The following DET1 variants were observed in gnomAD, a reference collection of about 807,000 sequenced individuals.
DET1 encodes DET1 partner of COP1 E3 ubiquitin ligase, also known as DET1 homolog.
Under a neutral mutation model 43.7 loss-of-function variants are expected in DET1, and 22 were observed. That is an observed-to-expected ratio of 0.50 (90% confidence interval 0.36 to 0.72). The LOEUF is 0.72. Ranked by LOEUF, DET1 falls within the 30% of genes least tolerant of loss-of-function variation. DET1 has a pLI of 0.00. For missense variants in DET1, 713 were observed against 713.3 expected, an observed-to-expected ratio of 1.00 and a Z score of 0.00; for synonymous variants, 315 against 266.2, an observed-to-expected ratio of 1.18 and a Z score of -1.79.
At chr15:88,503,366 G>A (rs559809898) in intron 8 of DET1, 4 of 152,258 alleles carry the variant, frequency 2.6e-5, no homozygotes, top group Admixed American at 2.6e-4. Flanking sequence ...ACTTTGCTAA[G>A]CCATCCACCT....
At chr15:88,513,696 T>C (rs2056260292) in intron 4 of DET1, among the ~76,000 whole-genome samples, 1 of 149,782 alleles carries the variant, frequency 6.7e-6, no homozygotes. Flanking sequence ...ACTAGCCACA[T>C]TTTAAGTACC....
At chr15:88,545,446 G>C (rs2057226373) in intron 1 of DET1, among the ~76,000 whole-genome samples, 2 of 152,046 alleles carry the variant, frequency 1.3e-5, no homozygotes. Context: ...AAAAGTTCGA[G>C]AATATCTAGA....
At chr15:88,523,228 AG>A (rs1299330593) in intron 3 of DET1, among the ~76,000 whole-genome samples, 8 of 152,192 alleles carry the variant, frequency 5.3e-5, no homozygotes, top group South Asian at 2.1e-4. Context: ...GGTCACTTTT[AG>A]GATAAAGGCT....
chr15:88,533,228 A>C (rs2056861758), intron 1 of DET1, among the ~76,000 whole-genome samples: 1 of 152,206 alleles, frequency 6.6e-6, no homozygotes, highest in Non-Finnish European at 1.5e-5. Flanking sequence ...TCAAAACTAC[A>C]ATGGGATATC....
intron 1 of DET1, among the ~76,000 whole-genome samples, chr15:88,542,248 G>A (rs780911387): frequency 6.6e-6 from 1 of 152,140 alleles, no homozygotes; most frequent in Non-Finnish European, 1.5e-5. Flanking sequence ...TGAGGAGGAA[G>A]CTAGAGACCT....
rs2056220140 is a variant in DET1 at position 88,512,514 on chromosome 15, C to G, written c.*437G>C. On this transcript the variant is annotated 3_prime_UTR_variant, in exon 5 of 5. Coordinates refer to ENST00000268148, the MANE Select transcript of DET1 (RefSeq NM_001144074.3). ...GAAAATACCATGGCTTTATTTTTCT[C>G]TTAAAAAGATAGCCGTGCTTATGAG... 6 of 987,802 alleles carry G rather than the reference C, an allele frequency of 6.1e-6. No individual in the cohort carries two copies. Among genetic ancestry groups the G allele is most frequent in the Non-Finnish European group, 7.2e-6 (6 of 831,324 alleles). The allele number at this position is 987,802 out of a possible 1,614,324, so 61.2% of individuals were successfully genotyped here. A position where few individuals can be genotyped will look rare whatever the true frequency, so the allele number is the denominator to read the frequency against.
chr15:88,540,438 G>A (rs1202320030), intron 1 of DET1, among the ~76,000 whole-genome samples: 2 of 151,032 alleles, frequency 1.3e-5, no homozygotes, highest in Non-Finnish European at 2.9e-5. Context: ...TGATACCTCT[G>A]CTCAAATTCT....
chr15:88,536,796 A>C (rs2056964424), intron 1 of DET1, among the ~76,000 whole-genome samples: 1 of 151,476 alleles, frequency 6.6e-6, no homozygotes, highest in Non-Finnish European at 1.5e-5. Context: ...AAAAGGAACA[A>C]ACTAGATAAA....
chr15:88,539,327 G>A (rs548738760), intron 1 of DET1, among the ~76,000 whole-genome samples: 147 of 151,846 alleles, frequency 9.7e-4, no homozygotes, highest in African/African-American at 3.4e-3. Flanking sequence ...GACATAGCTC[G>A]ATCCAAGCCG....
rs564810273 is a variant in DET1, at chr15:88,532,450, T to A, written c.-10-735A>T. On this transcript the variant is annotated intron_variant, in intron 1 of 4. Transcript: ENST00000268148. Reference sequence around the variant, plus strand: ...ATCCTAATAGCACTTTTCACAAAGATAAAAAATTCATCCTAAAATTCATAT... The same window carrying A: ...ATCCTAATAGCACTTTTCACAAAGAAAAAAAATTCATCCTAAAATTCATAT... 7.2e-5 allele frequency among the ~76,000 whole-genome samples: 11 copies of A among 152,246 alleles called. No individual in the cohort carries two copies. In the East Asian group the frequency reaches 2.1e-3, roughly 29 times the overall value.
In DET1 at chr15:88,539,164, A is replaced by G. The variant is rs573884507; in HGVS notation, c.-11+7376T>C. Among the ~76,000 whole-genome samples, 10 of 151,938 alleles carry G rather than the reference A, an allele frequency of 6.6e-5. No individual in the cohort carries two copies. In the South Asian group the frequency reaches 1.9e-3, roughly 28 times the overall value. On this transcript the variant is annotated intron_variant, in intron 1 of 4. Transcript: ENST00000268148. ...AGAATCTCCAGGAAAGAAAAAAAAA[A>G]CTGTTATAAACTCTGTGAATGGTGA...
chr15:88,544,754 G>T (rs538536378), intron 1 of DET1, among the ~76,000 whole-genome samples: 2 of 152,194 alleles, frequency 1.3e-5, no homozygotes, highest in South Asian at 2.1e-4. Context: ...CCTCGGTCAG[G>T]CCCCTTCTAA....
chr15:88,537,157 T>C (rs976670893), intron 1 of DET1, among the ~76,000 whole-genome samples: 12 of 152,216 alleles, frequency 7.9e-5, no homozygotes, highest in Non-Finnish European at 1.6e-4. Context: ...ATTTAGTGAA[T>C]AGTATTACGG....
At chr15:88,526,521 G>T (rs1461607900) in intron 3 of DET1, among the ~76,000 whole-genome samples, 4 of 148,936 alleles carry the variant, frequency 2.7e-5, no homozygotes, top group Non-Finnish European at 2.9e-5. Context: ...TAAGTGATTT[G>T]TAAAGGGACT....
intron 1 of DET1, chr15:88,536,329 C>T (rs765363578): frequency 1.4e-5 from 11 of 779,472 alleles, no homozygotes; most frequent in African/African-American, 3.4e-5. Context: ...GTATCTGTCC[C>T]ACCATACCAG....
Position 88,512,942 on chromosome 15 carries a change from G to T in DET1, c.*9C>A. On this transcript the variant is annotated 3_prime_UTR_variant, in exon 5 of 5. Transcript: ENST00000268148. ...TGGAAGACCAGATAATCTGGCTCTG[G>T]TGAGGCACCTACGTGCAGCAGTGTC... The T allele has an allele frequency of 2.5e-6, 4 of 1,612,538 alleles. No individual in the cohort carries two copies.
At chr15:88,542,662 C>A (rs1001914984) in intron 1 of DET1, among the ~76,000 whole-genome samples, 1 of 152,060 alleles carries the variant, frequency 6.6e-6, no homozygotes, top group Non-Finnish European at 1.5e-5. Flanking sequence ...CAGAAACAAG[C>A]AACACAGGCA....
chr15:88,545,166 T>C (rs567037105), intron 1 of DET1, among the ~76,000 whole-genome samples: 2 of 151,892 alleles, frequency 1.3e-5, no homozygotes, highest in Non-Finnish European at 2.9e-5. Context: ...TCCTAAATTA[T>C]GTACTAAAAA....
At chr15:88,530,042 C>T (rs939833766) in intron 2 of DET1, among the ~76,000 whole-genome samples, 2 of 152,230 alleles carry the variant, frequency 1.3e-5, no homozygotes, top group Admixed American at 1.3e-4. Context: ...GACCTCTTCA[C>T]TGCTCTACAA....
Sources: allele counts gnomAD v4.1 joint callset (sites outside exome capture counted in the v4.1 genomes callset), GRCh38; gene constraint gnomAD v4.1.1; transcripts MANE v1.5; gene names NCBI Gene and HGNC (gene_info 2026-07-23, HGNC 2026-07-21).